The following OR3A2 variants were observed in gnomAD, a reference collection of about 807,000 sequenced individuals.
The protein encoded by OR3A2 is olfactory receptor 3A2.
For missense variants in OR3A2, 318 were observed against 392.8 expected (o/e 0.81, Z 1.61); for synonymous variants, 126 against 159.3 (o/e 0.79, Z 1.57).
chr17:3,347,168 G>C (rs1268326454), intron 2 of OR3A2, among the ~76,000 whole-genome samples: 1 of 151,888 alleles, frequency 6.6e-6, no homozygotes, highest in East Asian at 1.9e-4. Flanking sequence ...GGTGTATAAG[G>C]GTTCCCTTTT....
At chr17:3,324,127 C>T (rs2049150479) in intron 3 of OR3A2, among the ~76,000 whole-genome samples, 1 of 152,052 alleles carries the variant, frequency 6.6e-6, no homozygotes, top group African/African-American at 2.4e-5. Flanking sequence ...ATCACTGATA[C>T]CCTTTCTTCC....
intron 2 of OR3A2, among the ~76,000 whole-genome samples, chr17:3,371,786 C>T: frequency 7.1e-6 from 1 of 141,254 alleles, no homozygotes; most frequent in African/African-American, 2.7e-5. Context: ...CAGAGGCGCC[C>T]CTCACCTCCT....
intron 2 of OR3A2, among the ~76,000 whole-genome samples, chr17:3,381,317 G>T (rs1567574165): frequency 6.9e-6 from 1 of 145,006 alleles, no homozygotes; most frequent in African/African-American, 2.7e-5. Context: ...TCAAACATAG[G>T]GTTTTTTTTT....
intron 2 of OR3A2, among the ~76,000 whole-genome samples, chr17:3,343,648 G>C (rs1022735779): frequency 6.6e-6 from 1 of 152,088 alleles, no homozygotes; most frequent in African/African-American, 2.4e-5. Flanking sequence ...AGTAGTTCTG[G>C]GTGGGAAGTG....
chr17:3,328,482 A>G (rs1597342742), intron 3 of OR3A2, among the ~76,000 whole-genome samples: 1 of 135,174 alleles, frequency 7.4e-6, no homozygotes, highest in East Asian at 2.1e-4. Context: ...TTTTCTAGAT[A>G]TACAATGATG....
chr17:3,326,643 G>A (rs1268265993), intron 3 of OR3A2, among the ~76,000 whole-genome samples: 1 of 149,030 alleles, frequency 6.7e-6, no homozygotes, highest in Non-Finnish European at 1.5e-5. Context: ...ATGCTGGTGT[G>A]CTGCACCCAC....
chr17:3,286,029 T>C (rs1457034232), upstream of OR3A2, among the ~76,000 whole-genome samples: 1 of 152,166 alleles, frequency 6.6e-6, no homozygotes, highest in Non-Finnish European at 1.5e-5. Context: ...ACCTGTCTTC[T>C]ACATTAGGTA....
intron 3 of OR3A2, among the ~76,000 whole-genome samples, chr17:3,314,448 A>C (rs1261694990): frequency 6.6e-6 from 1 of 152,220 alleles, no homozygotes; most frequent in Non-Finnish European, 1.5e-5. Flanking sequence ...ACGTATTGAC[A>C]TGAGAAGTTG....
intron 2 of OR3A2, among the ~76,000 whole-genome samples, chr17:3,337,060 A>G (rs924348498): frequency 3.3e-5 from 5 of 152,132 alleles, no homozygotes; most frequent in Non-Finnish European, 5.9e-5. Flanking sequence ...CTGCTTCCAA[A>G]CCCAAAATGG....
intron 2 of OR3A2, among the ~76,000 whole-genome samples, chr17:3,344,812 TCCAA>T (rs1282098962): frequency 6.6e-6 from 1 of 152,142 alleles, no homozygotes; most frequent in East Asian, 1.9e-4. Context: ...CCCAAGTTGA[TCCAA>T]CCAAAGTGAA....
intron 2 of OR3A2, among the ~76,000 whole-genome samples, chr17:3,362,813 C>G (rs1725485116): frequency 1.3e-5 from 2 of 151,722 alleles, no homozygotes; most frequent in African/African-American, 2.4e-5. Flanking sequence ...CCTCTGAAAT[C>G]TAGGCAGAGG....
chr17:3,277,832 A>T, exon 2 of OR3A2: 1 of 889,496 alleles, frequency 1.1e-6, no homozygotes, highest in Non-Finnish European at 1.7e-6. Flanking sequence ...GTTTCCTAGT[A>T]GGACAAATAT....
rs552584945 is a variant in OR3A2 at position 3,365,846 on chromosome 17, T to C, written c.-179+17958A>G. Among the ~76,000 whole-genome samples the C allele has an allele frequency of 1.5e-4, 23 of 152,270 alleles. 1 individual carries two copies. The South Asian group carries it at 3.9e-3, about 26-fold the overall frequency. ...CAACAGAAATCAACTAGCTTGCTTA[T>C]GCAAAAAGGAAAAATTTTTGGAAAT... On this transcript the variant is annotated intron_variant, in intron 2 of 4. Coordinates refer to the OR3A2 transcript ENST00000573491.
In OR3A2 at chr17:3,311,432, G is replaced by T. The variant is rs750003275; in HGVS notation, c.-85+24601C>A. The T allele has an allele frequency of 9.1e-5, 43 of 473,482 alleles. No individual in the cohort carries two copies. Among genetic ancestry groups the T allele is most frequent in the Non-Finnish European group, 1.7e-4 (40 of 228,584 alleles). 29.3% of individuals were successfully genotyped at this position (473,482 alleles called of 1,614,324 possible). A position where few individuals can be genotyped will look rare whatever the true frequency, so the allele number is the denominator to read the frequency against. On this transcript the variant is annotated intron_variant, in intron 3 of 4. Transcript: ENST00000573491. This position sits in a 1 kb window ranked among gnomAD's most constrained non-coding sequence, Gnocchi z 4.6. ...TGTGAAGTCCAGGGTGCCCTGGTGG[G>T]AATTTGCTGCACTGTCTCCTTCATC...
At chr17:3,287,845 A>G (rs896344049), upstream of OR3A2, among the ~76,000 whole-genome samples, 48 of 151,828 alleles carry the variant, frequency 3.2e-4, no homozygotes, top group African/African-American at 9.9e-4. Flanking sequence ...ATATCAATAT[A>G]CTGTATATGT....
At chr17:3,342,478 G>C (rs2049327228) in intron 2 of OR3A2, among the ~76,000 whole-genome samples, 1 of 152,240 alleles carries the variant, frequency 6.6e-6, no homozygotes, top group South Asian at 2.1e-4. Context: ...TGTTGATGTT[G>C]ATGCTATTCC....
intron 3 of OR3A2, among the ~76,000 whole-genome samples, chr17:3,322,322 A>G (rs930985660): frequency 1.1e-4 from 16 of 151,136 alleles, no homozygotes; most frequent in African/African-American, 3.6e-4. Context: ...TCAAAAAACC[A>G]CTCCTGGATT....
intron 3 of OR3A2, among the ~76,000 whole-genome samples, chr17:3,306,217 T>C (rs1329275569): frequency 4.6e-5 from 7 of 152,134 alleles, no homozygotes; most frequent in Non-Finnish European, 1.0e-4. Flanking sequence ...TATGGCGCCA[T>C]CATAGCTCAA....
chr17:3,358,513 T>G (rs1754946334), intron 2 of OR3A2, among the ~76,000 whole-genome samples: 1 of 151,798 alleles, frequency 6.6e-6, no homozygotes, highest in Admixed American at 6.6e-5. Context: ...GTTCTTGAAT[T>G]CTGCCTTAAT....
Sources: allele counts gnomAD v4.1 joint callset (sites outside exome capture counted in the v4.1 genomes callset), GRCh38; gene constraint gnomAD v4.1.1; non-coding constraint Gnocchi (gnomAD v3.1); transcripts MANE v1.5; gene names NCBI Gene and HGNC (gene_info 2026-07-23, HGNC 2026-07-21).